COL6A2: variants seen among roughly 807,000 people sequenced by gnomAD.
The protein encoded by COL6A2 is collagen alpha-2(VI) chain.
Under a neutral mutation model 124.9 loss-of-function variants are expected in COL6A2, and 90 were observed. That is an observed-to-expected ratio of 0.72 (90% CI 0.61 to 0.86). The LOEUF (loss-of-function observed/expected upper bound fraction) is 0.86, where lower values mean the gene tolerates loss of function less well. Among genes scored for constraint, COL6A2 ranks in the 40% least tolerant of loss-of-function variants. COL6A2 has a pLI of 0.00. For missense variants in COL6A2, 1,607 were observed against 1,502.5 expected (o/e 1.07, Z -1.15); for synonymous variants, 793 against 618.2 (o/e 1.28, Z -4.19).
chr21:46,129,553 C>T (rs2078730627), intron 27 of COL6A2: 6 of 1,482,350 alleles, frequency 4.0e-6, no homozygotes, highest in Admixed American at 2.4e-5. Flanking sequence ...CCAGGGCTGC[C>T]CCCGACAGGC....
chr21:46,108,403 C>T (rs1433464314), intron 1 of COL6A2, among the ~76,000 whole-genome samples: 1 of 152,158 alleles, frequency 6.6e-6, no homozygotes, highest in Non-Finnish European at 1.5e-5. Flanking sequence ...TGTATATGAG[C>T]ATCTATGCAT....
At chr21:46,119,907 T>G in intron 15 of COL6A2, 57 bp downstream of exon 15, 1 of 1,476,110 alleles carries the variant, frequency 6.8e-7, no homozygotes, top group Non-Finnish European at 9.3e-7. Context: ...TGGGCCCTGC[T>G]GACGAGGGCC....
Position 46,122,857 on chromosome 21 carries a change from A to G in COL6A2, c.1609-18A>G, listed in dbSNP as rs1487726591. 6.2e-7 allele frequency: 1 copy of G among 1,611,566 alleles called. No homozygotes were observed. The highest frequency in any genetic ancestry group is 8.5e-7 in the Non-Finnish European group (1 of 1,178,426). On this transcript the variant is annotated intron_variant, in intron 20 of 27. Transcript: ENST00000300527. Reference sequence around the variant, plus strand: ...GACAGCTCCTCTGTCCCAGGCTAACATGTGTTCCCTGTCACAGGGAGGCCG... The same window carrying G: ...GACAGCTCCTCTGTCCCAGGCTAACGTGTGTTCCCTGTCACAGGGAGGCCG...
intron 23 of COL6A2, 135 bp from the exon 24 acceptor site, chr21:46,125,131 A>G: frequency 2.9e-6 from 3 of 1,044,738 alleles, no homozygotes; most frequent in Admixed American, 1.7e-5. Flanking sequence ...TGGTAGGGAC[A>G]GGACCCGCCA....
At chr21:46,121,527 T>C (rs1420662064) in intron 17 of COL6A2, 29 bp from the exon 18 acceptor site, 9 of 1,611,372 alleles carry the variant, frequency 5.6e-6, no homozygotes, top group Non-Finnish European at 6.8e-6. Flanking sequence ...CTGCCTGTGC[T>C]GACTTCTGAA....
Position 46,119,096 on chromosome 21 carries a change from C to A in COL6A2, c.1246C>A (p.Pro416Thr), listed in dbSNP as rs1178254157. Residue 416 changes from proline to threonine, a missense_variant, in exon 14 of 28, where the codon CCC becomes ACC. Physicochemically the swap from Pro to Thr is conservative, Grantham distance 38. This residue lies in a region of COL6A2 where 1,223 missense variants were observed against 1,052.2 expected (regional missense o/e 1.16). Coordinates refer to ENST00000300527, the MANE Select transcript of COL6A2 (RefSeq NM_001849.4). ...GVKGAKGGPG[P>T]RGPKGEPGRR... ...GAAAGGAGCCAAGGGCGGGCCTGGG[C>A]CCCGCGGACCCAAAGGCGAGCCGGT... is the stretch of plus-strand genomic sequence containing the variant. 6.2e-7 allele frequency: 1 copy of A among 1,612,146 alleles called. No homozygotes were observed. Among genetic ancestry groups the A allele is most frequent in the South Asian group, 1.1e-5 (1 of 91,024 alleles).
intron 1 of COL6A2, among the ~76,000 whole-genome samples, chr21:46,105,042 C>T (rs9975268): frequency 0.48 from 72,399 of 151,894 alleles, 17,989 homozygotes; most frequent in Admixed American, 0.58. Context: ...GGGAGTCCTG[C>T]GGGTTGAAAT....
intron 1 of COL6A2, among the ~76,000 whole-genome samples, chr21:46,098,639 G>A (rs897851600): frequency 6.6e-6 from 1 of 151,708 alleles, no homozygotes; most frequent in Non-Finnish European, 1.5e-5. Flanking sequence ...CGGGCCGGAC[G>A]GAAGGGGCGG....
chr21:46,108,995 C>T (rs140977872), intron 1 of COL6A2, among the ~76,000 whole-genome samples: 151 of 152,082 alleles, frequency 9.9e-4, no homozygotes, highest in African/African-American at 3.4e-3. Flanking sequence ...TCTCTGTAGG[C>T]GGGTTGTCTT....
In COL6A2 at chr21:46,118,496, G is replaced by A. The variant is rs984773514; in HGVS notation, c.1117-118G>A. ...CAGCATCTGGCATCCCAGGTGCCCCGTGGACATCAGGGAGGTGCAGTCCCA... is the reference window on the plus strand; with the variant it reads ...CAGCATCTGGCATCCCAGGTGCCCCATGGACATCAGGGAGGTGCAGTCCCA... On this transcript the variant is annotated intron_variant, in intron 12 of 27. Transcript: ENST00000300527. 10 of 922,948 alleles carry A rather than the reference G, an allele frequency of 1.1e-5. 1 individual carries two copies. The highest frequency in any genetic ancestry group is 8.1e-5 in the African/African-American group (5 of 61,452). 57.2% of individuals were successfully genotyped at this position (922,948 alleles called of 1,614,324 possible).
At chr21:46,105,079 G>A (rs977236277) in intron 1 of COL6A2, among the ~76,000 whole-genome samples, 7 of 152,196 alleles carry the variant, frequency 4.6e-5, no homozygotes, top group African/African-American at 1.7e-4. Flanking sequence ...TAATTCAAGT[G>A]AAGAAGTAAA....
In COL6A2 at chr21:46,119,106, C is replaced by T. The variant is rs778932545; in HGVS notation, c.1256C>T (p.Pro419Leu). ...AAGGGCGGGCCTGGGCCCCGCGGACCCAAAGGCGAGCCGGTGAGTCCCTCC... is the reference window on the plus strand; with the variant it reads ...AAGGGCGGGCCTGGGCCCCGCGGACTCAAAGGCGAGCCGGTGAGTCCCTCC... ...GAKGGPGPRG[P>L]KGEPGRRGDP... The change falls in exon 14 of 28, where the codon CCC (proline) becomes CTC (leucine). Residue 419 changes from proline to leucine, a missense_variant. Physicochemically the swap from Pro to Leu is moderately conservative, Grantham distance 98. Coordinates refer to ENST00000300527, the MANE Select transcript of COL6A2 (RefSeq NM_001849.4). 3.7e-6 allele frequency: 6 copies of T among 1,611,352 alleles called. No homozygotes were observed. The South Asian group carries it at 5.5e-5, about 15-fold the overall frequency.
chr21:46,131,850 G>C, intron 27 of COL6A2, 104 bp from the exon 28 acceptor site: 1 of 1,084,874 alleles, frequency 9.2e-7, no homozygotes, highest in African/African-American at 1.6e-5. Flanking sequence ...TGGTCTGTGA[G>C]GTTGCAGGCA....
rs763233841 is a variant in COL6A2, at chr21:46,129,249, G to C, written c.2462-2705G>C. ...GGTCACCTTCCTCCGCACGGAAGAG[G>C]GGCCGGACGCCACCTTCCCCAGGAC... On this transcript the variant is annotated intron_variant, in intron 27 of 27. Coordinates refer to ENST00000300527, the MANE Select transcript of COL6A2 (RefSeq NM_001849.4). The C allele has an allele frequency of 1.1e-5, 18 of 1,612,822 alleles. No individual in the cohort carries two copies. The Admixed American group carries it at 2.8e-4, about 25-fold the overall frequency.
In COL6A2 at chr21:46,116,513, T is replaced by C; in HGVS notation, c.927+110T>C. ...GCTCCTGGGGCACCGGCCTGGTCTT[T>C]TCTCAGTGGTGGCTTTGGGGGCTCC... On this transcript the variant is annotated intron_variant, in intron 8 of 27. Transcript: ENST00000300527. This position sits in a 1 kb window ranked among gnomAD's most constrained non-coding sequence, Gnocchi z 4.6. 3.2e-6 allele frequency: 5 copies of C among 1,580,452 alleles called. No homozygotes were observed. The South Asian group carries it at 5.6e-5, about 18-fold the overall frequency.
chr21:46,112,710 A>T (rs1179438052), intron 3 of COL6A2, 94 bp from the exon 4 acceptor site: 1 of 1,601,658 alleles, frequency 6.2e-7, no homozygotes, highest in African/African-American at 1.3e-5. Flanking sequence ...GGCCTGGGCC[A>T]CTCAGGTGTC....
In COL6A2 at chr21:46,126,244, G is replaced by T. The variant is rs773282809; in HGVS notation, c.2422+7G>T. 24 of 1,597,942 alleles carry T rather than the reference G, an allele frequency of 1.5e-5. No individual in the cohort carries two copies. The highest frequency in any genetic ancestry group is 3.3e-5 in the Admixed American group (2 of 59,982). On this transcript the variant is annotated splice_region_variant and intron_variant, in intron 26 of 27. Transcript: ENST00000300527. ...GAGGACGTCCTCTGCCCGGGTGAGC[G>T]TGTGGGCGCGGGGCAGTCGGCCGAG...
chr21:46,112,153 G>C lies in COL6A2; in HGVS notation c.290G>C (p.Gly97Ala). Reference sequence around the variant, plus strand: ...CAGGTGGCGCTGAGCTGGCGCTACGGCGGCCTGCACTTCTCTGACCAGGTG... The same window carrying C: ...CAGGTGGCGCTGAGCTGGCGCTACGCCGGCCTGCACTTCTCTGACCAGGTG... ...LDQVALSWRY[G>A]GLHFSDQVEV... Residue 97 changes from glycine to alanine, a missense_variant, in exon 3 of 28, where the codon GGC (glycine) becomes GCC (alanine). Physicochemically the swap from Gly to Ala is moderately conservative, Grantham distance 60. Coordinates refer to ENST00000300527, the MANE Select transcript of COL6A2 (RefSeq NM_001849.4). The C allele has an allele frequency of 6.2e-7, 1 of 1,613,050 alleles. No homozygotes were observed. Among genetic ancestry groups the C allele is most frequent in the Non-Finnish European group, 8.5e-7 (1 of 1,180,026 alleles).
At chr21:46,129,471 A>G (rs2078728370) in intron 27 of COL6A2, 2 of 1,594,264 alleles carry the variant, frequency 1.3e-6, no homozygotes, top group Non-Finnish European at 1.7e-6. Context: ...GGACCCCGAG[A>G]CCGCGCTGGC....
Sources: gnomAD v4.1 joint callset for allele counts (sites outside exome capture counted in the v4.1 genomes callset) on GRCh38, gnomAD v4.1.1 for gene constraint, gnomAD v4.1.1 regional missense constraint, Gnocchi (gnomAD v3.1) non-coding constraint, MANE v1.5 for transcripts, NCBI Gene and HGNC (gene_info 2026-07-23, HGNC 2026-07-21) for gene names.